Variants in TMEM108 observed in about 807,000 individuals in gnomAD.
The protein encoded by TMEM108 is transmembrane protein 108, also known as cancer/testis antigen 124.
A neutral mutation model predicts 35.1 loss-of-function variants in TMEM108; 12 were observed. The observed-to-expected ratio is 0.34, with a 90% CI of 0.22 to 0.55. TMEM108 has a LOEUF of 0.55. Among genes scored for constraint, TMEM108 ranks in the 20% least tolerant of loss-of-function variants. TMEM108 has a pLI of 0.89. For synonymous variants in TMEM108, 287 were observed against 308.6 expected (o/e 0.93, Z 0.73); for missense variants, 680 against 753.3 (o/e 0.90, Z 1.14).
chr3:133,105,834 T>C (rs1343740890), intron 2 of TMEM108, among the ~76,000 whole-genome samples: 1 of 152,222 alleles, frequency 6.6e-6, no homozygotes, highest in East Asian at 1.9e-4. Context: ...AGCCTGAAGA[T>C]GCTTTGGATA....
chr3:133,265,086 A>G (rs113076856), intron 3 of TMEM108, among the ~76,000 whole-genome samples: 2,525 of 152,338 alleles, frequency 0.017, 87 homozygotes, highest in African/African-American at 0.058. Flanking sequence ...GAAATGCTGA[A>G]TACAGCTGCC....
intron 3 of TMEM108, among the ~76,000 whole-genome samples, chr3:133,323,934 C>G (rs2071297867): frequency 6.6e-6 from 1 of 152,084 alleles, no homozygotes; most frequent in African/African-American, 2.4e-5. Flanking sequence ...GAAGGGACAC[C>G]CTGTTCAACA....
At chr3:133,128,836 T>C (rs1451457472) in intron 2 of TMEM108, among the ~76,000 whole-genome samples, 1 of 152,172 alleles carries the variant, frequency 6.6e-6, no homozygotes, top group Non-Finnish European at 1.5e-5. Context: ...CATTGTTCAC[T>C]TAGAGGTTAA....
chr3:133,270,487 G>A (rs1028425334), intron 3 of TMEM108, among the ~76,000 whole-genome samples: 1 of 152,208 alleles, frequency 6.6e-6, no homozygotes, highest in Admixed American at 6.5e-5. Flanking sequence ...CTGATCTGCA[G>A]AGGCAAGTCT....
At chr3:133,328,916 A>G (rs1341757237) in intron 3 of TMEM108, among the ~76,000 whole-genome samples, 1 of 152,166 alleles carries the variant, frequency 6.6e-6, no homozygotes, top group Non-Finnish European at 1.5e-5. Context: ...GTAATTATTC[A>G]CTGCTCTCTT....
chr3:133,051,739 A>G (rs1943408592), intron 2 of TMEM108, among the ~76,000 whole-genome samples: 2 of 152,138 alleles, frequency 1.3e-5, no homozygotes, highest in Non-Finnish European at 2.9e-5. Flanking sequence ...TTGGATGTCC[A>G]ATTTTACCAG....
intron 2 of TMEM108, among the ~76,000 whole-genome samples, chr3:133,140,318 G>A (rs150553153): frequency 1.8e-4 from 27 of 152,118 alleles, no homozygotes; most frequent in African/African-American, 5.1e-4. Context: ...TATCTCCTAC[G>A]AGCCCTGCAG....
intron 3 of TMEM108, among the ~76,000 whole-genome samples, chr3:133,263,344 T>C (rs978601454): frequency 6.6e-6 from 1 of 152,218 alleles, no homozygotes; most frequent in Non-Finnish European, 1.5e-5. Context: ...CTTTAAAAGC[T>C]CCATCAATTC....
intron 3 of TMEM108, among the ~76,000 whole-genome samples, chr3:133,302,547 G>A (rs1415328235): frequency 1.0e-4 from 15 of 148,430 alleles, no homozygotes; most frequent in Admixed American, 6.1e-4. Flanking sequence ...TCAGCCTCCC[G>A]AGTAGCTGGG....
chr3:133,158,745 T>C (rs1390428901), intron 2 of TMEM108, among the ~76,000 whole-genome samples: 2 of 152,158 alleles, frequency 1.3e-5, no homozygotes. Context: ...CTTGGAGAAC[T>C]CAGCATCTCA....
chr3:133,324,102 A>C (rs948279989), intron 3 of TMEM108, among the ~76,000 whole-genome samples: 6 of 152,212 alleles, frequency 3.9e-5, no homozygotes, highest in Non-Finnish European at 5.9e-5. Context: ...AAACTCTTCC[A>C]TACATTGGCT....
At chr3:133,235,157 C>T (rs1445653427) in intron 3 of TMEM108, among the ~76,000 whole-genome samples, 6 of 151,956 alleles carry the variant, frequency 3.9e-5, no homozygotes, top group African/African-American at 1.2e-4. Context: ...GAATCAATGT[C>T]GTGAAAATGG....
intron 2 of TMEM108, among the ~76,000 whole-genome samples, chr3:133,211,808 T>C (rs1008465246): frequency 6.6e-6 from 1 of 152,208 alleles, no homozygotes; most frequent in Non-Finnish European, 1.5e-5. Context: ...AGTCCTCAAG[T>C]AGAATTCACA....
intron 2 of TMEM108, among the ~76,000 whole-genome samples, chr3:133,171,911 A>G (rs1286685998): frequency 6.6e-6 from 1 of 152,182 alleles, no homozygotes; most frequent in Non-Finnish European, 1.5e-5. Context: ...CATTCTCACA[A>G]TTTCCTGCAA....
At chr3:133,159,575 G>T (rs1944931946) in intron 2 of TMEM108, among the ~76,000 whole-genome samples, 3 of 152,156 alleles carry the variant, frequency 2.0e-5, no homozygotes, top group Admixed American at 2.0e-4. Flanking sequence ...CTATGATGAT[G>T]ATAACCCATA....
intron 2 of TMEM108, among the ~76,000 whole-genome samples, chr3:133,138,423 TGCG>T (rs1944594952): frequency 6.6e-6 from 1 of 152,166 alleles, no homozygotes; most frequent in African/African-American, 2.4e-5. Context: ...GTGGGCTGCA[TGCG>T]GCGGCCCAGG....
intron 2 of TMEM108, among the ~76,000 whole-genome samples, chr3:133,083,570 A>T (rs1943842494): frequency 6.6e-6 from 1 of 152,188 alleles, no homozygotes; most frequent in Non-Finnish European, 1.5e-5. Flanking sequence ...AGTGTATCTC[A>T]TATAGTTCTT....
chr3:133,309,682 C>CTT lies in TMEM108; in HGVS notation c.41-70035_41-70034dup, dbSNP rs148272827. ...TAGTTATGCGGGTTTGAGTGAGTTT[C>CTT]TTTTTTTTTTTTTTTTTTTTTTTTT... is the stretch of plus-strand genomic sequence containing the variant. On this transcript the variant is annotated intron_variant, in intron 3 of 5. Coordinates refer to ENST00000321871, the MANE Select transcript of TMEM108 (RefSeq NM_023943.4). Among the ~76,000 whole-genome samples the CTT allele has an allele frequency of 2.2e-4, 15 of 69,138 alleles. 3 individuals carry two copies. Among genetic ancestry groups the CTT allele is most frequent in the African/African-American group, 7.0e-4 (12 of 17,048 alleles). 45.4% of individuals were successfully genotyped at this position (69,138 alleles called of 152,430 possible). A position where few individuals can be genotyped will look rare whatever the true frequency, so the allele number is the denominator to read the frequency against.
At chr3:133,082,423 C>T (rs1378111993) in intron 2 of TMEM108, among the ~76,000 whole-genome samples, 4 of 152,172 alleles carry the variant, frequency 2.6e-5, no homozygotes, top group African/African-American at 4.8e-5. Context: ...TCTGCCATAA[C>T]GTCCTTTCCC....
Sources: allele counts gnomAD v4.1 joint callset (sites outside exome capture counted in the v4.1 genomes callset), GRCh38; gene constraint gnomAD v4.1.1; transcripts MANE v1.5; gene names NCBI Gene and HGNC (gene_info 2026-07-23, HGNC 2026-07-21).